Variants in SLC6A4 observed in about 807,000 individuals in gnomAD.
SLC6A4 encodes sodium-dependent serotonin transporter.
A neutral mutation model predicts 73.4 loss-of-function variants in SLC6A4; 22 were observed. The ratio of observed to expected loss-of-function variants is 0.30; its 90% CI spans 0.21 to 0.43. The LOEUF (loss-of-function observed/expected upper bound fraction) is 0.43. Ranked by LOEUF, SLC6A4 falls within the 20% of genes least tolerant of loss-of-function variation. The pLI is 1.00. For synonymous variants in SLC6A4, 270 were observed against 315.5 expected, an observed-to-expected ratio of 0.86 and a Z score of 1.53; for missense variants, 593 against 808.5, an observed-to-expected ratio of 0.73 and a Z score of 3.23.
At chr17:30,213,305 T>TC (rs923964950) in intron 8 of SLC6A4, among the ~76,000 whole-genome samples, 4 of 147,324 alleles carry the variant, frequency 2.7e-5, no homozygotes, top group African/African-American at 1.0e-4. Flanking sequence ...TTTTTTTCTT[T>TC]TTTTTTTTTT....
chr17:30,196,211 A>C lies in SLC6A4; in HGVS notation c.*2245T>G, dbSNP rs933670926. On this transcript the variant is annotated 3_prime_UTR_variant, in exon 15 of 15. Transcript: ENST00000650711. Reference sequence around the variant, plus strand: ...ATTTTTAGTTTTTATTTTTCTATAAATGCTACATATAGATATAAAAGGTCT... The same window carrying C: ...ATTTTTAGTTTTTATTTTTCTATAACTGCTACATATAGATATAAAAGGTCT... 1.3e-4 allele frequency: 20 copies of C among 152,068 alleles called. No individual in the cohort carries two copies. The highest frequency in any genetic ancestry group is 4.6e-4 in the African/African-American group (19 of 41,414). 9.4% of individuals were successfully genotyped at this position (152,068 alleles called of 1,614,324 possible).
rs1907228692 is a variant in SLC6A4 at position 30,235,099 on chromosome 17, C to A, written c.-221+514G>T. Among the ~76,000 whole-genome samples, 1 of 152,058 alleles carries A rather than the reference C, an allele frequency of 6.6e-6. No homozygotes were observed. The highest frequency in any genetic ancestry group is 1.5e-5 in the Non-Finnish European group (1 of 68,012). The stretch of plus-strand genomic sequence containing the variant: ...AGCTCTGACAGTGAAACCACCCAAG[C>A]GCACGGAGACTCGGCCCACTTAGGC... On this transcript the variant is annotated intron_variant, in intron 1 of 14. Transcript: ENST00000650711. This position sits in a 1 kb window ranked among gnomAD's most constrained non-coding sequence, Gnocchi z 4.5.
intron 13 of SLC6A4, among the ~76,000 whole-genome samples, chr17:30,203,955 G>A (rs913717875): frequency 7.2e-5 from 11 of 152,174 alleles, no homozygotes; most frequent in Admixed American, 5.2e-4. Flanking sequence ...AAGCTGCATC[G>A]CCTGGAGTTT....
rs199570838 is a variant in SLC6A4, at chr17:30,212,825, G to A, written c.1119C>T (p.Phe373=). The change falls in exon 9 of 15, where the codon TTC becomes TTT. Residue 373 remains phenylalanine (F), a synonymous_variant. Transcript: ENST00000650711. ...VTSVVNCMTS[F]VSGFVIFTVL... ...CTGTGAAGATGACAAATCCCGAAAC[G>A]AAGCTCGTCATGCAGTTCACCACGC... 28 of 1,614,110 alleles carry A rather than the reference G, an allele frequency of 1.7e-5. No individual in the cohort carries two copies. The East Asian group carries it at 3.8e-4, about 22-fold the overall frequency.
intron 1 of SLC6A4, among the ~76,000 whole-genome samples, chr17:30,234,191 GTATATA>G: frequency 6.6e-6 from 1 of 151,692 alleles, no homozygotes; most frequent in South Asian, 2.1e-4. Context: ...CCCACTCCTA[GTATATA>G]TATATTTCTT....
At chr17:30,198,783 A>G (rs1317346084) in intron 14 of SLC6A4, among the ~76,000 whole-genome samples, 1 of 152,222 alleles carries the variant, frequency 6.6e-6, no homozygotes, top group African/African-American at 2.4e-5. Flanking sequence ...CTAATGGAAG[A>G]AAATGATGAG....
Position 30,218,225 on chromosome 17 carries a change from C to G in SLC6A4, c.591G>C (p.Trp197Cys). The change falls in exon 5 of 15, where the codon TGG becomes TGC. Residue 197 changes from tryptophan to cysteine, a missense_variant. Physicochemically the swap from Trp to Cys is radical, Grantham distance 215. Coordinates refer to ENST00000650711, the MANE Select transcript of SLC6A4 (RefSeq NM_001045.6). ...LISSFTDQLP[W>C]TSCKNSWNTG... ...TGTTCCAGGAGTTCTTGCAGCTGGT[C>G]CAGGGCAGCTGGTCCGTGAAGGAGG... The G allele has an allele frequency of 6.2e-7, 1 of 1,614,142 alleles. No individual in the cohort carries two copies. The highest frequency in any genetic ancestry group is 8.5e-7 in the Non-Finnish European group (1 of 1,180,012).
At chr17:30,230,755 G>T (rs968730333) in intron 1 of SLC6A4, among the ~76,000 whole-genome samples, 4 of 152,186 alleles carry the variant, frequency 2.6e-5, no homozygotes, top group African/African-American at 9.7e-5. Flanking sequence ...CAGGTGAGGT[G>T]AGGCTGCTGG....
chr17:30,223,076 C>T (rs1906820927), intron 1 of SLC6A4, among the ~76,000 whole-genome samples, 161 bp from the exon 2 acceptor site: 2 of 152,206 alleles, frequency 1.3e-5, no homozygotes, highest in Admixed American at 1.3e-4. Flanking sequence ...AGGTCTGAGT[C>T]GTCAAACGTG....
At chr17:30,209,001 C>T (rs184143651) in intron 12 of SLC6A4, 142 bp downstream of exon 12, 20 of 542,670 alleles carry the variant, frequency 3.7e-5, no homozygotes, top group Middle Eastern at 3.1e-4. Context: ...CGCGCCTGGC[C>T]GAGACTCTTT....
At chr17:30,221,559 C>T in intron 3 of SLC6A4, 57 bp downstream of exon 3, 1 of 1,506,868 alleles carries the variant, frequency 6.6e-7, no homozygotes, top group Non-Finnish European at 9.1e-7. Flanking sequence ...TCACAGCCCA[C>T]TCCGGGTCAC....
At position 30,211,222 on chromosome 17, in the gene SLC6A4, GCC is replaced by G. The variant is rs1331243770; in HGVS notation, c.1317+88_1317+89del. On this transcript the variant is annotated intron_variant, in intron 10 of 14. Coordinates refer to ENST00000650711, the MANE Select transcript of SLC6A4 (RefSeq NM_001045.6). This position sits in a 1 kb window ranked among gnomAD's most constrained non-coding sequence, Gnocchi z 4.0. ...GGAGTAGCCAAAGCTGCCTGGGATG[GCC>G]AGGGATGGGAGGGAATTGAGTCCAG... 2 of 853,464 alleles carry G rather than the reference GCC, an allele frequency of 2.3e-6. No homozygotes were observed. Among genetic ancestry groups the G allele is most frequent in the East Asian group, 5.0e-5 (2 of 39,772 alleles). The allele number at this position is 853,464 out of a possible 1,614,324, so 52.9% of individuals were successfully genotyped here.
At chr17:30,207,399 C>A (rs998275887) in intron 13 of SLC6A4, among the ~76,000 whole-genome samples, 1 of 152,024 alleles carries the variant, frequency 6.6e-6, no homozygotes, top group Non-Finnish European at 1.5e-5. Context: ...CTATTTATTT[C>A]TTTTCTGAAA....
In SLC6A4 at chr17:30,198,473, G is replaced by A. The variant is rs774928752; in HGVS notation, c.1876C>T (p.Arg626Cys). Residue 626 changes from arginine (R) to cysteine (C), a missense_variant, in exon 15 of 15, where the codon CGC becomes TGC. Physicochemically the swap from Arg to Cys is radical, Grantham distance 180. Coordinates refer to ENST00000650711, the MANE Select transcript of SLC6A4 (RefSeq NM_001045.6). Reference sequence around the variant, plus strand: ...TGAGTGTGTTACACAGCATTCAAGCGGATGTCCCCACAAGGAATTTCTGTT... The same window carrying A: ...TGAGTGTGTTACACAGCATTCAAGCAGATGTCCCCACAAGGAATTTCTGTT... ...TPTEIPCGDI[R>C]LNAV 1.7e-5 allele frequency: 27 copies of A among 1,604,008 alleles called. No individual in the cohort carries two copies. Among genetic ancestry groups the A allele is most frequent in the Admixed American group, 3.3e-5 (2 of 59,834 alleles).
chr17:30,221,497 G>GGTCACAGCCCATCCCAA, intron 3 of SLC6A4, 119 bp downstream of exon 3: 1 of 785,674 alleles, frequency 1.3e-6, no homozygotes, highest in South Asian at 1.7e-5. Flanking sequence ...GCCCATCCCA[G>GGTCACAGCCCATCCCAA]GTCACAGCCC....
chr17:30,230,483 A>G (rs139611276), intron 1 of SLC6A4, among the ~76,000 whole-genome samples: 1 of 152,318 alleles, frequency 6.6e-6, no homozygotes, highest in East Asian at 1.9e-4. Flanking sequence ...TACTAAGATT[A>G]CCTTTGTGTA....
chr17:30,212,891 C>T lies in SLC6A4; in HGVS notation c.1077-24G>A, dbSNP rs60834020. Reference sequence around the variant, plus strand: ...CTCTGGAGGGGAAAACCCAAGGGGCCGCCTGAGACAGTTCCAAGATCAGGG... The same window carrying T: ...CTCTGGAGGGGAAAACCCAAGGGGCTGCCTGAGACAGTTCCAAGATCAGGG... On this transcript the variant is annotated intron_variant, in intron 8 of 14. Transcript: ENST00000650711. 3.8e-4 allele frequency: 613 copies of T among 1,613,374 alleles called. 2 individuals are homozygous for T. The African/African-American group carries it at 6.1e-3, about 16-fold the overall frequency.
chr17:30,230,032 G>A (rs1008603715), intron 1 of SLC6A4, among the ~76,000 whole-genome samples: 49 of 140,444 alleles, frequency 3.5e-4, no homozygotes, highest in African/African-American at 1.2e-3. Context: ...AAAAGAAGAA[G>A]AAGAAAAAGA....
chr17:30,210,516 A>G lies in SLC6A4; in HGVS notation c.1448T>C (p.Phe483Ser). 1 of 1,612,912 alleles carries G rather than the reference A, an allele frequency of 6.2e-7. No individual in the cohort carries two copies. Among genetic ancestry groups the G allele is most frequent in the Non-Finnish European group, 8.5e-7 (1 of 1,179,484 alleles). ...AAAGCTGAGGGGCATGATACTCACAAAAGTCAGGGTGACCAGGGATCCAAA... is the reference window on the plus strand; with the variant it reads ...AAAGCTGAGGGGCATGATACTCACAGAAGTCAGGGTGACCAGGGATCCAAA... The part of the protein sequence containing the change: ...CFFGSLVTLT[F>S]GGAYVVKLLE... The change falls in exon 11 of 15, where the codon TTT (phenylalanine) becomes TCT (serine). Residue 483 changes from phenylalanine (F) to serine (S), a missense_variant and splice_region_variant. By Grantham distance (155) the Phe-to-Ser change is radical. Coordinates refer to ENST00000650711, the MANE Select transcript of SLC6A4 (RefSeq NM_001045.6).
Sources: allele counts gnomAD v4.1 joint callset (sites outside exome capture counted in the v4.1 genomes callset), GRCh38; gene constraint gnomAD v4.1.1; non-coding constraint Gnocchi (gnomAD v3.1); transcripts MANE v1.5; gene names NCBI Gene and HGNC (gene_info 2026-07-23, HGNC 2026-07-21).